The following CEP131 variants were observed in gnomAD, a reference collection of about 807,000 sequenced individuals.
The protein encoded by CEP131 is centrosomal protein of 131 kDa.
In CEP131, 99 loss-of-function variants were observed where a neutral mutation model predicts 136.8. That is an observed-to-expected ratio of 0.72 (90% CI 0.62 to 0.86). The LOEUF (loss-of-function observed/expected upper bound fraction) is 0.86, where lower values mean the gene tolerates loss of function less well. CEP131 is among the 40% of genes least tolerant of loss of function. The pLI is 0.00. For synonymous variants in CEP131, 646 were observed against 612.7 expected (o/e 1.05, Z -0.80); for missense variants, 1,459 against 1,463.0 (o/e 1.00, Z 0.04).
At position 81,203,201 on chromosome 17, in the gene CEP131, C is replaced by A. The variant is rs577811524; in HGVS notation, c.629+293G>T. 3.1e-4 allele frequency among the ~76,000 whole-genome samples: 47 copies of A among 152,154 alleles called. No individual in the cohort carries two copies. The highest frequency in any genetic ancestry group is 5.9e-4 in the Non-Finnish European group (40 of 68,020). On this transcript the variant is annotated intron_variant, in intron 6 of 25. Coordinates refer to ENST00000450824, the MANE Select transcript of CEP131 (RefSeq NM_014984.4). The surrounding 1 kb of genome is among the most constrained non-coding windows in gnomAD (Gnocchi z 4.6). ...AGGGTGAGCCCCAGACCTCACTGTG[C>A]CACATCTGGGCTGTTTTCTCTCTGT...
rs1382718914 is a variant in CEP131 at position 81,208,697 on chromosome 17, G to A, written c.272+231C>T. On this transcript the variant is annotated intron_variant, in intron 3 of 25. Coordinates refer to ENST00000450824, the MANE Select transcript of CEP131 (RefSeq NM_014984.4). This position sits in a 1 kb window ranked among gnomAD's most constrained non-coding sequence, Gnocchi z 5.6. ...GCCGCCGGGACAGCAAGGAGGAAGGGAGGGATGCAGTGCAGGAGAGTGTCT... is the reference window on the plus strand; with the variant it reads ...GCCGCCGGGACAGCAAGGAGGAAGGAAGGGATGCAGTGCAGGAGAGTGTCT... Among the ~76,000 whole-genome samples, 1 of 152,238 alleles carries A rather than the reference G, an allele frequency of 6.6e-6. No homozygotes were observed. The highest frequency in any genetic ancestry group is 1.5e-5 in the Non-Finnish European group (1 of 68,038).
intron 12 of CEP131, 80 bp from the exon 13 acceptor site, chr17:81,197,968 G>A (rs2061802251): frequency 1.3e-6 from 2 of 1,546,212 alleles, no homozygotes; most frequent in Non-Finnish European, 1.7e-6. Flanking sequence ...GGTGGCAGCT[G>A]AGGCTGGGCT....
chr17:81,195,994 G>C, intron 15 of CEP131, 43 bp from the exon 16 acceptor site: 1 of 1,527,658 alleles, frequency 6.5e-7, no homozygotes. Flanking sequence ...CAAGGCCCCA[G>C]CCCAGCAGGA....
rs1206686123 is a variant in CEP131, at chr17:81,190,553, C to T, written c.3107+86G>A. 5 of 1,418,698 alleles carry T rather than the reference C, an allele frequency of 3.5e-6. No homozygotes were observed. In the Admixed American group the frequency reaches 1.1e-4, roughly 32 times the overall value. The allele number at this position is 1,418,698 out of a possible 1,614,324, so 87.9% of individuals were successfully genotyped here. A position where few individuals can be genotyped will look rare whatever the true frequency, so the allele number is the denominator to read the frequency against. ...TGCATCTCCTGGCCTTCCTCAGCCA[C>T]AGCCTCCTGGGGCTTGGAGCTGCAG... On this transcript the variant is annotated intron_variant, in intron 24 of 25. Transcript: ENST00000450824.
intron 1 of CEP131, 53 bp from the exon 2 acceptor site, chr17:81,220,126 C>A: frequency 7.4e-7 from 1 of 1,346,598 alleles, no homozygotes; most frequent in East Asian, 2.8e-5. Context: ...ACTACAGTCC[C>A]CTGCACCCAC....
rs1567841976 is a variant in CEP131 at position 81,189,750 on chromosome 17, G to C, written c.*19C>G. 1 of 1,582,586 alleles carries C rather than the reference G, an allele frequency of 6.3e-7. No homozygotes were observed. On this transcript the variant is annotated 3_prime_UTR_variant, in exon 26 of 26. Coordinates refer to ENST00000450824, the MANE Select transcript of CEP131 (RefSeq NM_014984.4). The stretch of plus-strand genomic sequence containing the variant: ...GTCCTCTGCCTTCCGTTCTTCGACA[G>C]TGTTCCCGGCATCCCTGGTCACTTG...
In CEP131 at chr17:81,208,730, G is replaced by T. The variant is rs548095911; in HGVS notation, c.272+198C>A. On this transcript the variant is annotated intron_variant, in intron 3 of 25. Coordinates refer to ENST00000450824, the MANE Select transcript of CEP131 (RefSeq NM_014984.4). This position sits in a 1 kb window ranked among gnomAD's most constrained non-coding sequence, Gnocchi z 5.6. ...CAGTGCAGGAGAGTGTCTGCCTCAG[G>T]CCTCCCGCCCCAATGCGAGAGGAGG... 1.3e-5 allele frequency among the ~76,000 whole-genome samples: 2 copies of T among 152,296 alleles called. No homozygotes were observed. The highest frequency in any genetic ancestry group is 1.9e-4 in the East Asian group (1 of 5,176).
In CEP131 at chr17:81,219,540, C is replaced by T. The variant is rs1433967796; in HGVS notation, c.177+340G>A. Among the ~76,000 whole-genome samples the T allele has an allele frequency of 2.0e-5, 3 of 152,032 alleles. No individual in the cohort carries two copies. Among genetic ancestry groups the T allele is most frequent in the Admixed American group, 6.5e-5 (1 of 15,268 alleles). On this transcript the variant is annotated intron_variant, in intron 2 of 25. Transcript: ENST00000450824. This position sits in a 1 kb window ranked among gnomAD's most constrained non-coding sequence, Gnocchi z 4.0. ...CTTGAACTGCTGACCTCAGATGACC[C>T]GCCTGCCTCGGCCTCCCAAAGTGCT...
intron 7 of CEP131, 34 bp from the exon 8 acceptor site, chr17:81,200,480 G>A: frequency 6.7e-7 from 1 of 1,482,124 alleles, no homozygotes; most frequent in Non-Finnish European, 9.2e-7. Context: ...GCCAAGACAG[G>A]ACCAGCGCCC....
At position 81,192,560 on chromosome 17, in the gene CEP131, C is replaced by T; in HGVS notation, c.2463G>A (p.Gln821=). Residue 821 remains glutamine, a synonymous_variant, in exon 20 of 26, where the codon CAG becomes CAA. Transcript: ENST00000450824. ...QRAELEELRQ[Q]LEESSSALTR... ...TCAGTGCAGAGCTGCTCTCCTCCAG[C>T]TGCTGCCTCAGCTCTTCCAGCTCCG... 3 of 1,609,492 alleles carry T rather than the reference C, an allele frequency of 1.9e-6. No homozygotes were observed. The highest frequency in any genetic ancestry group is 2.5e-6 in the Non-Finnish European group (3 of 1,179,466).
At position 81,203,009 on chromosome 17, in the gene CEP131, G is replaced by A. The variant is rs2061928020; in HGVS notation, c.629+485C>T. Reference sequence around the variant, plus strand: ...TTGAGAAAGTTCCCAAAAGTCACAGGAGTCCAGAGCCTGAGGGACCCCTGA... The same window carrying A: ...TTGAGAAAGTTCCCAAAAGTCACAGAAGTCCAGAGCCTGAGGGACCCCTGA... On this transcript the variant is annotated intron_variant, in intron 6 of 25. Transcript: ENST00000450824. This position sits in a 1 kb window ranked among gnomAD's most constrained non-coding sequence, Gnocchi z 4.6. Among the ~76,000 whole-genome samples the A allele has an allele frequency of 6.6e-6, 1 of 151,888 alleles. No homozygotes were observed. The highest frequency in any genetic ancestry group is 2.4e-5 in the African/African-American group (1 of 41,344).
At chr17:81,212,883 C>T (rs887344989) in intron 2 of CEP131, among the ~76,000 whole-genome samples, 2 of 152,156 alleles carry the variant, frequency 1.3e-5, no homozygotes, top group Non-Finnish European at 1.5e-5. Context: ...CACCAACTGG[C>T]GTACACTACA....
Position 81,190,777 on chromosome 17 carries a change from C to A in CEP131, c.2969G>T (p.Arg990Leu), listed in dbSNP as rs753097172. 1.2e-6 allele frequency: 2 copies of A among 1,611,274 alleles called. No individual in the cohort carries two copies. Among genetic ancestry groups the A allele is most frequent in the Middle Eastern group, 1.7e-4 (1 of 6,028 alleles). ...GCGGATCACCTGGGCCAGGTTGCTG[C>A]GCTCGCTAGAAAGCTGCTCGTTCAC... Reference protein sequence around the residue: ...QAVNEQLSSERSNLAQVIRQE... With the variant: ...QAVNEQLSSELSNLAQVIRQE... The change falls in exon 24 of 26, where the codon CGC becomes CTC. Residue 990 changes from arginine (R) to leucine (L), a missense_variant. Around this residue, in one of 3 missense-constraint regions of CEP131, gnomAD observed 1,026 missense variants for 964.2 expected, o/e 1.06. Coordinates refer to ENST00000450824, the MANE Select transcript of CEP131 (RefSeq NM_014984.4).
chr17:81,194,219 AG>A (rs34384793), intron 17 of CEP131, 92 bp from the exon 18 acceptor site: 1 of 1,259,104 alleles, frequency 7.9e-7, no homozygotes, highest in Non-Finnish European at 1.1e-6. Flanking sequence ...TCAGGCCCAG[AG>A]GGGACCCCGC....
intron 24 of CEP131, among the ~76,000 whole-genome samples, chr17:81,190,419 C>G (rs1465595459): frequency 6.6e-6 from 1 of 152,210 alleles, no homozygotes. Context: ...GGTGCCCCAA[C>G]AGGGATGGCC....
rs1316904046 is a variant in CEP131, at chr17:81,203,503, G to A, written c.620C>T (p.Pro207Leu). 1 of 1,602,458 alleles carries A rather than the reference G, an allele frequency of 6.2e-7. No homozygotes were observed. The highest frequency in any genetic ancestry group is 8.5e-7 in the Non-Finnish European group (1 of 1,175,638). ...PPLKSSNQTA[P>L]SLNNIIKAAT... ...CCCCAGAAGACCTTACTTGAGGGAG[G>A]GGGCAGTCTGGTTGGAGCTCTTGAG... The change falls in exon 6 of 26, where the codon CCC (proline) becomes CTC (leucine). Residue 207 changes from proline to leucine, a missense_variant. Pro to Leu is a moderately conservative substitution (Grantham distance 98). Transcript: ENST00000450824. This position sits in a 1 kb window ranked among gnomAD's most constrained non-coding sequence, Gnocchi z 4.6.
At chr17:81,192,693 G>T in intron 19 of CEP131, 43 bp downstream of exon 19, 3 of 1,437,234 alleles carry the variant, frequency 2.1e-6, no homozygotes, top group East Asian at 2.4e-5. Flanking sequence ...GGGTCAGCCA[G>T]CGAGGGGTCC....
In CEP131 at chr17:81,219,521, C is replaced by T. The variant is rs1362960286; in HGVS notation, c.177+359G>A. On this transcript the variant is annotated intron_variant, in intron 2 of 25. Transcript: ENST00000450824. The surrounding 1 kb of genome is among the most constrained non-coding windows in gnomAD (Gnocchi z 4.0). ...CCATGTTGGTCAGGCTGGTCTTGAACTGCTGACCTCAGATGACCCGCCTGC... is the reference window on the plus strand; with the variant it reads ...CCATGTTGGTCAGGCTGGTCTTGAATTGCTGACCTCAGATGACCCGCCTGC... Among the ~76,000 whole-genome samples the T allele has an allele frequency of 2.6e-5, 4 of 152,038 alleles. No homozygotes were observed. Among genetic ancestry groups the T allele is most frequent in the African/African-American group, 9.7e-5 (4 of 41,370 alleles).
rs2062325102 is a variant in CEP131 at position 81,219,110 on chromosome 17, C to A, written c.177+770G>T. Among the ~76,000 whole-genome samples, 1 of 152,146 alleles carries A rather than the reference C, an allele frequency of 6.6e-6. No homozygotes were observed. Among genetic ancestry groups the A allele is most frequent in the Non-Finnish European group, 1.5e-5 (1 of 68,018 alleles). The stretch of plus-strand genomic sequence containing the variant: ...TCAGGGTGCAGCAGGCCCGGCCTGC[C>A]TTTCACAGCCCCCATCTGGGAACCA... On this transcript the variant is annotated intron_variant, in intron 2 of 25. Transcript: ENST00000450824. The surrounding 1 kb of genome is among the most constrained non-coding windows in gnomAD (Gnocchi z 4.0).
Sources: gnomAD v4.1 joint callset for allele counts (sites outside exome capture counted in the v4.1 genomes callset) on GRCh38, gnomAD v4.1.1 for gene constraint, gnomAD v4.1.1 regional missense constraint, Gnocchi (gnomAD v3.1) non-coding constraint, MANE v1.5 for transcripts, NCBI Gene and HGNC (gene_info 2026-07-23, HGNC 2026-07-21) for gene names.